The following SRGAP3 variants were observed in gnomAD, a reference collection of about 807,000 sequenced individuals.
The protein encoded by SRGAP3 is SLIT-ROBO Rho GTPase activating protein 3.
SRGAP3 carries 39 observed loss-of-function variants against 121.1 expected under a neutral mutation model. That is an observed-to-expected ratio of 0.32 (90% CI 0.25 to 0.42). The LOEUF is 0.42. SRGAP3 is among the 10% of genes least tolerant of loss of function. SRGAP3 has a pLI of 1.00. For missense variants in SRGAP3, 1,213 were observed against 1,470.6 expected (o/e 0.82, Z 2.86); for synonymous variants, 601 against 570.0 (o/e 1.05, Z -0.77).
intron 1 of SRGAP3, among the ~76,000 whole-genome samples, chr3:9,222,009 GC>G (rs1169772652): frequency 1.3e-5 from 2 of 152,188 alleles, no homozygotes; most frequent in Non-Finnish European, 2.9e-5. Context: ...GAAACCGCCT[GC>G]CCCATCCACA....
chr3:8,988,113 C>T (rs1204839693), intron 21 of SRGAP3, among the ~76,000 whole-genome samples: 1 of 152,074 alleles, frequency 6.6e-6, no homozygotes, highest in African/African-American at 2.4e-5. Flanking sequence ...TGCATTAGTC[C>T]GAGAGGTGGC....
chr3:9,183,389 G>A (rs1391917226), intron 1 of SRGAP3, among the ~76,000 whole-genome samples: 1 of 152,138 alleles, frequency 6.6e-6, no homozygotes, highest in Non-Finnish European at 1.5e-5. Flanking sequence ...AATTAAATGA[G>A]GTCATGAAAA....
intron 10 of SRGAP3, among the ~76,000 whole-genome samples, chr3:9,041,748 C>T (rs1945021700): frequency 6.6e-6 from 1 of 152,142 alleles, no homozygotes; most frequent in South Asian, 2.1e-4. Flanking sequence ...AAACCAGTGC[C>T]ATCTAGTAGA....
At chr3:9,192,465 C>CA (rs1951781458) in intron 1 of SRGAP3, 2 of 152,178 alleles carry the variant, frequency 1.3e-5, no homozygotes, top group Admixed American at 6.5e-5. Flanking sequence ...CTTCTCCTAA[C>CA]AAAAACCCTG....
Position 8,983,521 on chromosome 3 carries a change from G to A in SRGAP3, c.*1998C>T, listed in dbSNP as rs144948974. ...TCCCTTTGGGTGTATTTACCTTTTC[G>A]CGGGGGACCAGAGGAGAGGGCACCA... On this transcript the variant is annotated 3_prime_UTR_variant, in exon 22 of 22. Transcript: ENST00000383836. 3.0e-4 allele frequency: 69 copies of A among 229,730 alleles called. No homozygotes were observed. The East Asian group carries it at 3.9e-3, about 13-fold the overall frequency. 14.2% of individuals were successfully genotyped at this position (229,730 alleles called of 1,614,324 possible).
At chr3:9,286,150 ACACACACACAC>A (rs1409368685) in intron 3 of SRGAP3, among the ~76,000 whole-genome samples, 22 of 149,894 alleles carry the variant, frequency 1.5e-4, no homozygotes, top group African/African-American at 4.7e-4. Context: ...ACACACACAC[ACACACACACAC>A]ATTTATCTGT....
intron 1 of SRGAP3, among the ~76,000 whole-genome samples, chr3:9,337,234 A>G (rs1955708703): frequency 6.6e-6 from 1 of 152,212 alleles, no homozygotes; most frequent in African/African-American, 2.4e-5. Context: ...CAGTCTACCA[A>G]TTTAAATGCT....
chr3:9,189,497 T>C (rs1405731240), intron 1 of SRGAP3, among the ~76,000 whole-genome samples: 8 of 152,224 alleles, frequency 5.3e-5, no homozygotes, highest in East Asian at 1.9e-4. Context: ...TTCAAGATCA[T>C]AGATTATTAG....
rs1330318232 is a variant in SRGAP3 at position 9,124,769 on chromosome 3, C to T, written c.216G>A (p.Glu72=). The T allele has an allele frequency of 4.0e-5, 64 of 1,614,074 alleles. No homozygotes were observed. The highest frequency in any genetic ancestry group is 5.3e-5 in the Non-Finnish European group (63 of 1,180,052). The part of the protein sequence containing the change: ...EYSRSLEKLA[E]RFSSKIRSSR... ...AGCTGCGGATTTTGGAGGAGAAGCGCTCAGCCAGCTTCTCCAGGCTGCGGG... is the reference window on the plus strand; with the variant it reads ...AGCTGCGGATTTTGGAGGAGAAGCGTTCAGCCAGCTTCTCCAGGCTGCGGG... Residue 72 remains glutamate (E), a synonymous_variant, in exon 2 of 22, where the codon GAG becomes GAA. Coordinates refer to ENST00000383836, the MANE Select transcript of SRGAP3 (RefSeq NM_014850.4).
At chr3:9,117,351 A>T (rs574235122) in intron 2 of SRGAP3, among the ~76,000 whole-genome samples, 11 of 152,342 alleles carry the variant, frequency 7.2e-5, no homozygotes, top group African/African-American at 2.4e-4. Flanking sequence ...GTGATGCTTT[A>T]TCCCCGCTAA....
At position 9,013,819 on chromosome 3, in the gene SRGAP3, C is replaced by G; in HGVS notation, c.1837G>C (p.Val613Leu). ...ACGAGGATTTGTTGGATCTGGTGCACCCTCTCGGCTGGGTTCTCCAGTTCT... is the reference window on the plus strand; with the variant it reads ...ACGAGGATTTGTTGGATCTGGTGCAGCCTCTCGGCTGGGTTCTCCAGTTCT... ...TIKLENPAER[V>L]HQIQQILVTL... Residue 613 changes from valine (V) to leucine (L), a missense_variant, in exon 16 of 22, where the codon GTG becomes CTG. Val to Leu is a conservative substitution (Grantham distance 32). Around this residue, in one of 2 missense-constraint regions of SRGAP3, gnomAD observed 793 missense variants for 1,032.9 expected, o/e 0.77. Coordinates refer to ENST00000383836, the MANE Select transcript of SRGAP3 (RefSeq NM_014850.4). 1 of 1,614,200 alleles carries G rather than the reference C, an allele frequency of 6.2e-7. No individual in the cohort carries two copies.
intron 1 of SRGAP3, among the ~76,000 whole-genome samples, chr3:9,353,122 T>C (rs1384269847): frequency 6.6e-6 from 1 of 152,222 alleles, no homozygotes; most frequent in Non-Finnish European, 1.5e-5. Context: ...TGCTCATTTG[T>C]TGCACTTCCT....
At chr3:9,177,389 C>A (rs572210339) in intron 1 of SRGAP3, among the ~76,000 whole-genome samples, 4 of 152,254 alleles carry the variant, frequency 2.6e-5, no homozygotes, top group South Asian at 4.2e-4. Flanking sequence ...AAGTTCAAGG[C>A]CCTTTGGAAG....
chr3:9,241,406 T>C (rs1473218881), intron 1 of SRGAP3, among the ~76,000 whole-genome samples: 2 of 152,178 alleles, frequency 1.3e-5, no homozygotes, highest in Non-Finnish European at 2.9e-5. Flanking sequence ...ATATGAACTC[T>C]CAGATCCATT....
At chr3:9,264,634 G>A (rs944000669) in intron 3 of SRGAP3, among the ~76,000 whole-genome samples, 1 of 152,078 alleles carries the variant, frequency 6.6e-6, no homozygotes, top group Non-Finnish European at 1.5e-5. Context: ...GCTACAAAGG[G>A]AATAAAATAC....
chr3:9,055,394 C>G (rs1945772343), intron 8 of SRGAP3, among the ~76,000 whole-genome samples: 1 of 152,358 alleles, frequency 6.6e-6, no homozygotes, highest in South Asian at 2.1e-4. Flanking sequence ...GGTGTCCTTT[C>G]TCCAGGGGCC....
intron 4 of SRGAP3, among the ~76,000 whole-genome samples, chr3:9,078,198 A>G (rs908991294): frequency 6.6e-6 from 1 of 152,158 alleles, no homozygotes; most frequent in Admixed American, 6.5e-5. Flanking sequence ...GTGTAAATAG[A>G]GGGCACCAAG....
intron 1 of SRGAP3, among the ~76,000 whole-genome samples, chr3:9,246,701 T>A (rs917887119): frequency 9.9e-5 from 15 of 152,160 alleles, no homozygotes; most frequent in African/African-American, 3.6e-4. Context: ...ATAATTATGA[T>A]GGTGATTAAC....
At position 8,985,381 on chromosome 3, in the gene SRGAP3, C is replaced by A; in HGVS notation, c.*138G>T. 2.0e-6 allele frequency: 3 copies of A among 1,469,004 alleles called. No individual in the cohort carries two copies. The highest frequency in any genetic ancestry group is 2.4e-5 in the Admixed American group (1 of 41,912). 91.0% of individuals were successfully genotyped at this position (1,469,004 alleles called of 1,614,324 possible). ...GCTGCAGCCAGCGCCCGGGCCTCAGCTCTGCACAGACACACCCTCCCAGAC... is the reference window on the plus strand; with the variant it reads ...GCTGCAGCCAGCGCCCGGGCCTCAGATCTGCACAGACACACCCTCCCAGAC... On this transcript the variant is annotated 3_prime_UTR_variant, in exon 22 of 22. Coordinates refer to ENST00000383836, the MANE Select transcript of SRGAP3 (RefSeq NM_014850.4). This position sits in a 1 kb window ranked among gnomAD's most constrained non-coding sequence, Gnocchi z 5.1.
Sources: gnomAD v4.1 joint callset for allele counts (sites outside exome capture counted in the v4.1 genomes callset) on GRCh38, gnomAD v4.1.1 for gene constraint, gnomAD v4.1.1 regional missense constraint, Gnocchi (gnomAD v3.1) non-coding constraint, MANE v1.5 for transcripts, NCBI Gene and HGNC (gene_info 2026-07-23, HGNC 2026-07-21) for gene names.